The following PDS5B variants were observed in gnomAD, a reference collection of about 807,000 sequenced individuals.
PDS5B encodes PDS5 cohesin associated factor B, also known as sister chromatid cohesion protein PDS5 homolog B.
In PDS5B, 51 loss-of-function variants were observed where a neutral mutation model predicts 184.1. That is an observed-to-expected ratio of 0.28 (90% CI 0.22 to 0.35). The LOEUF is 0.35. Among genes scored for constraint, PDS5B ranks in the 10% least tolerant of loss-of-function variants. The pLI, the probability that PDS5B is intolerant of heterozygous loss-of-function variation, is 1.00. For synonymous variants in PDS5B, 566 were observed against 569.2 expected, an observed-to-expected ratio of 0.99 and a Z score of 0.08; for missense variants, 1,180 against 1,723.3, an observed-to-expected ratio of 0.68 and a Z score of 5.58.
intron 1 of PDS5B, among the ~76,000 whole-genome samples, chr13:32,635,908 A>C (rs572326025): frequency 6.6e-6 from 1 of 151,306 alleles, no homozygotes; most frequent in Non-Finnish European, 1.5e-5. Context: ...AGCTGGGACT[A>C]CAAGTGCCCG....
At position 32,651,935 on chromosome 13, in the gene PDS5B, A is replaced by T. The variant is rs1950375827; in HGVS notation, c.240A>T (p.Val80=). Residue 80 remains valine, a synonymous_variant, in exon 3 of 35, where the codon GTA becomes GTT. Transcript: ENST00000315596. ...CTGATAAAGATGTTCGCTTACTGGT[A>T]GCCTGCTGCCTTGCTGATATTTTCA... ...KHPDKDVRLL[V]ACCLADIFRI... is the part of the protein sequence containing the mutation. The T allele has an allele frequency of 1.2e-6, 2 of 1,613,708 alleles. No individual in the cohort carries two copies. Among genetic ancestry groups the T allele is most frequent in the Non-Finnish European group, 1.7e-6 (2 of 1,179,794 alleles).
rs544445963 is a variant in PDS5B at position 32,604,048 on chromosome 13, C to T, written c.-20+17455C>T. Among the ~76,000 whole-genome samples, 20 of 152,308 alleles carry T rather than the reference C, an allele frequency of 1.3e-4. No homozygotes were observed. The South Asian group carries it at 4.1e-3, about 32-fold the overall frequency. The stretch of plus-strand genomic sequence containing the variant: ...AGGGACAATTTGACTTCCTCTTTTC[C>T]TAATTGAATACACTTTATTTCTTTC... On this transcript the variant is annotated intron_variant, in intron 1 of 34. Coordinates refer to ENST00000315596, the MANE Select transcript of PDS5B (RefSeq NM_015032.4).
At chr13:32,707,199 A>G (rs1231605779) in intron 18 of PDS5B, among the ~76,000 whole-genome samples, 160 bp downstream of exon 18, 2 of 152,170 alleles carry the variant, frequency 1.3e-5, no homozygotes, top group Non-Finnish European at 2.9e-5. Flanking sequence ...TTATTCTTAC[A>G]TGTAATCTGA....
rs76826368 is a variant in PDS5B at position 32,756,840 on chromosome 13, C to T, written c.3056+884C>T. On this transcript the variant is annotated intron_variant, in intron 26 of 34. Transcript: ENST00000315596. ...TTTTTTAAAAAATAAGAAATTAGTT[C>T]GGCCAGGCCTGGTGGCTCATGCCTG... Among the ~76,000 whole-genome samples the T allele has an allele frequency of 2.4e-3, 358 of 152,054 alleles. 2 individuals are homozygous for T. Among genetic ancestry groups the T allele is most frequent in the Admixed American group, 4.9e-3 (75 of 15,268 alleles).
chr13:32,743,374 T>A (rs1472531176), intron 23 of PDS5B, among the ~76,000 whole-genome samples: 1 of 152,142 alleles, frequency 6.6e-6, no homozygotes, highest in African/African-American at 2.4e-5. Flanking sequence ...TGTTATGATA[T>A]AACTAAATAA....
At chr13:32,759,539 A>T in intron 28 of PDS5B, 89 bp from the exon 29 acceptor site, 1 of 561,638 alleles carries the variant, frequency 1.8e-6, no homozygotes, top group African/African-American at 1.9e-5. Context: ...GTTTAAATAA[A>T]AAAACTGCTG....
chr13:32,666,159 C>T (rs1950789772), intron 6 of PDS5B, among the ~76,000 whole-genome samples: 1 of 152,210 alleles, frequency 6.6e-6, no homozygotes, highest in South Asian at 2.1e-4. Flanking sequence ...CAGCTCACTG[C>T]AACCTCTGCC....
chr13:32,596,761 T>G (rs2140471852), intron 1 of PDS5B, among the ~76,000 whole-genome samples: 1 of 152,232 alleles, frequency 6.6e-6, no homozygotes, highest in Non-Finnish European at 1.5e-5. Context: ...GAGCACCTTT[T>G]TGCATGGTTG....
intron 3 of PDS5B, among the ~76,000 whole-genome samples, chr13:32,655,374 A>ATATATATTTTTTTTTTTTTTTTTTTT: frequency 1.4e-5 from 1 of 72,484 alleles, no homozygotes; most frequent in Non-Finnish European, 2.2e-5. Flanking sequence ...ATATATATAT[A>ATATATATTTTTTTTTTTTTTTTTTTT]TTTTTTTTTT....
At chr13:32,683,728 C>G in intron 10 of PDS5B, 150 bp from the exon 11 acceptor site, 11 of 523,758 alleles carry the variant, frequency 2.1e-5, no homozygotes, top group East Asian at 7.2e-5. Context: ...AATCTTCTTT[C>G]TTCCTTCCCT....
intron 1 of PDS5B, among the ~76,000 whole-genome samples, chr13:32,634,664 A>G (rs1264005498): frequency 6.6e-6 from 1 of 151,522 alleles, no homozygotes; most frequent in Non-Finnish European, 1.5e-5. Context: ...GCTTACTGCA[A>G]CCTCCACCTC....
At chr13:32,737,688 ACTG>A (rs1458688834) in intron 21 of PDS5B, among the ~76,000 whole-genome samples, 1 of 152,182 alleles carries the variant, frequency 6.6e-6, no homozygotes, top group African/African-American at 2.4e-5. Flanking sequence ...CAGAAACAGA[ACTG>A]CTCACCATTT....
intron 1 of PDS5B, among the ~76,000 whole-genome samples, chr13:32,645,236 G>A (rs1950188036): frequency 6.6e-6 from 1 of 152,172 alleles, no homozygotes; most frequent in Non-Finnish European, 1.5e-5. Flanking sequence ...TACTGCCTCA[G>A]CCTTCCAAAG....
intron 1 of PDS5B, among the ~76,000 whole-genome samples, chr13:32,593,962 C>T (rs1412720561): frequency 6.6e-6 from 1 of 152,134 alleles, no homozygotes; most frequent in Non-Finnish European, 1.5e-5. Flanking sequence ...TACATATTTT[C>T]AACTAGCTAG....
At chr13:32,596,670 T>A (rs886094944) in intron 1 of PDS5B, among the ~76,000 whole-genome samples, 4 of 152,088 alleles carry the variant, frequency 2.6e-5, no homozygotes, top group African/African-American at 7.3e-5. Flanking sequence ...GTCAATCTTT[T>A]TAATTTTAGC....
At chr13:32,663,134 A>G (rs1343363376) in intron 6 of PDS5B, among the ~76,000 whole-genome samples, 1 of 152,138 alleles carries the variant, frequency 6.6e-6, no homozygotes, top group Non-Finnish European at 1.5e-5. Flanking sequence ...TAGCAGCAAA[A>G]ATAATTACAG....
At chr13:32,625,391 T>C (rs1468202629) in intron 1 of PDS5B, among the ~76,000 whole-genome samples, 1 of 152,184 alleles carries the variant, frequency 6.6e-6, no homozygotes, top group Non-Finnish European at 1.5e-5. Context: ...TATTTTAGTT[T>C]TACATATACA....
chr13:32,598,596 G>C (rs1002026443), intron 1 of PDS5B, among the ~76,000 whole-genome samples: 1 of 151,634 alleles, frequency 6.6e-6, no homozygotes, highest in Non-Finnish European at 1.5e-5. Context: ...TTAGCCTCCT[G>C]GGTAGCTAGG....
intron 1 of PDS5B, among the ~76,000 whole-genome samples, chr13:32,625,997 G>A (rs1482003080): frequency 6.6e-6 from 1 of 151,952 alleles, no homozygotes; most frequent in South Asian, 2.1e-4. Context: ...CACTACCAAC[G>A]CCTGGCTAAT....
Sources: gnomAD v4.1 joint callset for allele counts (sites outside exome capture counted in the v4.1 genomes callset) on GRCh38, gnomAD v4.1.1 for gene constraint, MANE v1.5 for transcripts, NCBI Gene and HGNC (gene_info 2026-07-23, HGNC 2026-07-21) for gene names.